Variants in GUCY1A2 observed in about 807,000 individuals in gnomAD.
The protein encoded by GUCY1A2 is guanylate cyclase soluble subunit alpha-2.
Under a neutral mutation model 63.5 loss-of-function variants are expected in GUCY1A2, and 27 were observed. The observed-to-expected ratio is 0.43, with a 90% confidence interval of 0.31 to 0.59. The LOEUF is 0.59. GUCY1A2 is among the 20% of genes least tolerant of loss of function. The probability of loss-of-function intolerance (pLI) is 0.11; values close to 1 mark genes in which losing one functional copy is unlikely to be tolerated. For synonymous variants in GUCY1A2, 364 were observed against 343.5 expected (o/e 1.06, Z -0.66); for missense variants, 768 against 913.3 (o/e 0.84, Z 2.05).
chr11:106,997,103 C>T (rs1474838540), intron 1 of GUCY1A2, among the ~76,000 whole-genome samples: 1 of 152,144 alleles, frequency 6.6e-6, no homozygotes. Flanking sequence ...TTTAAACTAG[C>T]TATCACTCTA....
intron 3 of GUCY1A2, among the ~76,000 whole-genome samples, chr11:106,941,505 C>T (rs766585942): frequency 6.6e-6 from 1 of 152,186 alleles, no homozygotes; most frequent in East Asian, 1.9e-4. Flanking sequence ...ATGTAGTTTA[C>T]ATATTCATAT....
At chr11:106,991,152 G>T (rs1225340441) in intron 1 of GUCY1A2, among the ~76,000 whole-genome samples, 1 of 145,978 alleles carries the variant, frequency 6.9e-6, no homozygotes, top group African/African-American at 2.4e-5. Flanking sequence ...ACCATGCCCG[G>T]CTTTTTTTTT....
At chr11:106,836,674 G>A (rs568197199) in intron 4 of GUCY1A2, among the ~76,000 whole-genome samples, 78 of 151,948 alleles carry the variant, frequency 5.1e-4, no homozygotes, top group Non-Finnish European at 8.2e-4. Context: ...ACTGTAATAC[G>A]CAATTTACTG....
At chr11:106,950,593 G>T (rs111962974) in intron 3 of GUCY1A2, among the ~76,000 whole-genome samples, 4 of 152,110 alleles carry the variant, frequency 2.6e-5, no homozygotes, top group Non-Finnish European at 5.9e-5. Flanking sequence ...TGAAGAAGGT[G>T]GGGGAGGGGA....
intron 4 of GUCY1A2, among the ~76,000 whole-genome samples, chr11:106,935,355 A>ATTTT (rs1860661541): frequency 6.6e-6 from 1 of 152,208 alleles, no homozygotes; most frequent in Non-Finnish European, 1.5e-5. Context: ...GGGGTCAAAG[A>ATTTT]TGCTAAGAAT....
chr11:106,988,434 G>C (rs777705522), intron 1 of GUCY1A2, among the ~76,000 whole-genome samples: 3 of 152,168 alleles, frequency 2.0e-5, no homozygotes, highest in Non-Finnish European at 4.4e-5. Context: ...TACAGGGCCA[G>C]TTAAGACCAG....
chr11:107,012,961 A>G (rs1261582586), intron 1 of GUCY1A2, among the ~76,000 whole-genome samples: 1 of 151,678 alleles, frequency 6.6e-6, no homozygotes, highest in African/African-American at 2.4e-5. Context: ...AGGTTTATAC[A>G]TGTCAGAGAG....
At chr11:106,882,511 G>C (rs1370205367) in intron 4 of GUCY1A2, among the ~76,000 whole-genome samples, 1 of 151,916 alleles carries the variant, frequency 6.6e-6, no homozygotes, top group Non-Finnish European at 1.5e-5. Flanking sequence ...GAACAATCAT[G>C]AACCGTTTTC....
rs1858797243 is a variant in GUCY1A2, at chr11:106,813,879, T to G, written c.1207-3401A>C. Among the ~76,000 whole-genome samples the G allele has an allele frequency of 2.6e-5, 4 of 152,224 alleles. No individual in the cohort carries two copies. The South Asian group carries it at 8.3e-4, about 32-fold the overall frequency. On this transcript the variant is annotated intron_variant, in intron 4 of 7. Transcript: ENST00000526355. Reference sequence around the variant, plus strand: ...TGCTGAGTACTTAATTAATACTTAATTTATACTTTGTTACTGAATTTTACT... The same window carrying G: ...TGCTGAGTACTTAATTAATACTTAAGTTATACTTTGTTACTGAATTTTACT...
chr11:106,980,156 C>T (rs527645658), intron 2 of GUCY1A2, among the ~76,000 whole-genome samples: 2 of 152,250 alleles, frequency 1.3e-5, no homozygotes, highest in South Asian at 4.2e-4. Context: ...AAATTGGGAG[C>T]AACCTAAAGG....
intron 4 of GUCY1A2, chr11:106,827,357 T>C: frequency 6.4e-7 from 1 of 1,556,356 alleles, no homozygotes; most frequent in Non-Finnish European, 8.9e-7. Flanking sequence ...GTATTCCCTA[T>C]AGCTTTATCT....
chr11:106,725,811 G>T (rs575872714), intron 6 of GUCY1A2, among the ~76,000 whole-genome samples: 211 of 152,070 alleles, frequency 1.4e-3, no homozygotes, highest in Non-Finnish European at 1.7e-3. Context: ...TTAAATGCTT[G>T]ACTCTCCAGT....
At chr11:106,976,241 T>C (rs1861260378) in intron 3 of GUCY1A2, among the ~76,000 whole-genome samples, 2 of 152,110 alleles carry the variant, frequency 1.3e-5, no homozygotes, top group Non-Finnish European at 2.9e-5. Flanking sequence ...GAACACTGCC[T>C]TCTGCCATCC....
rs1274206896 is a variant in GUCY1A2, at chr11:106,675,213, T to C, written c.*12336A>G. The C allele has an allele frequency of 4.9e-6, 1 of 205,240 alleles. No homozygotes were observed. Among genetic ancestry groups the C allele is most frequent in the Non-Finnish European group, 1.0e-5 (1 of 100,264 alleles). 12.7% of individuals were successfully genotyped at this position (205,240 alleles called of 1,614,324 possible). A position where few individuals can be genotyped will look rare whatever the true frequency, so the allele number is the denominator to read the frequency against. ...TCACTTAATTACCGAAGTTATAATG[T>C]AGCTACAGGCAGCTGTTATAAAACT... is the stretch of plus-strand genomic sequence containing the variant. On this transcript the variant is annotated 3_prime_UTR_variant, in exon 8 of 8. Transcript: ENST00000526355.
chr11:106,705,216 G>T (rs1283811596), intron 7 of GUCY1A2, among the ~76,000 whole-genome samples: 1 of 152,146 alleles, frequency 6.6e-6, no homozygotes, highest in African/African-American at 2.4e-5. Context: ...GTCATACACT[G>T]AAATGTCATA....
chr11:106,998,898 G>A (rs12785615), intron 1 of GUCY1A2, among the ~76,000 whole-genome samples: 15 of 152,150 alleles, frequency 9.9e-5, no homozygotes, highest in Non-Finnish European at 1.8e-4. Context: ...ATGTATCCAT[G>A]TTATCACTAC....
chr11:106,737,202 T>C (rs1591255155), intron 6 of GUCY1A2, among the ~76,000 whole-genome samples: 1 of 152,194 alleles, frequency 6.6e-6, no homozygotes, highest in African/African-American at 2.4e-5. Context: ...AAGAAACAGA[T>C]GGTACACTCA....
At chr11:106,716,410 C>T (rs1437815764) in intron 6 of GUCY1A2, among the ~76,000 whole-genome samples, 1 of 152,070 alleles carries the variant, frequency 6.6e-6, no homozygotes, top group East Asian at 1.9e-4. Context: ...TGTTGCATAA[C>T]GGACACAGTG....
At chr11:106,911,997 A>G (rs894267009) in intron 4 of GUCY1A2, among the ~76,000 whole-genome samples, 3 of 152,058 alleles carry the variant, frequency 2.0e-5, no homozygotes, top group Non-Finnish European at 4.4e-5. Flanking sequence ...GTTTATTGCT[A>G]ATAATTAGTC....
Sources: gnomAD v4.1 joint callset for allele counts (sites outside exome capture counted in the v4.1 genomes callset) on GRCh38, gnomAD v4.1.1 for gene constraint, MANE v1.5 for transcripts, NCBI Gene and HGNC (gene_info 2026-07-23, HGNC 2026-07-21) for gene names.